Variants in DOCK1 observed in about 807,000 individuals in gnomAD.
DOCK1 encodes the protein dedicator of cytokinesis protein 1.
Under a neutral mutation model 262.7 loss-of-function variants are expected in DOCK1, and 138 were observed. The observed-to-expected ratio is 0.53, with a 90% CI of 0.46 to 0.61. The LOEUF is 0.61. Ranked by LOEUF, DOCK1 falls within the 20% of genes least tolerant of loss-of-function variation. DOCK1 has a pLI of 0.00. For missense variants in DOCK1, 1,908 were observed against 2,370.7 expected, an observed-to-expected ratio of 0.80 and a Z score of 4.05; for synonymous variants, 866 against 867.4, an observed-to-expected ratio of 1.00 and a Z score of 0.03.
rs146047584 is a variant in DOCK1, at chr10:127,127,830, G to A, written c.2847+66G>A. Reference sequence around the variant, plus strand: ...CTGACAGCATCCTTCTCCAACTGCTGTTTGAACATAGCTTATTATACTGCA... The same window carrying A: ...CTGACAGCATCCTTCTCCAACTGCTATTTGAACATAGCTTATTATACTGCA... On this transcript the variant is annotated intron_variant, in intron 27 of 51. Coordinates refer to ENST00000623213, the MANE Select transcript of DOCK1 (RefSeq NM_001290223.2). 2.0e-4 allele frequency: 274 copies of A among 1,391,156 alleles called. No individual in the cohort carries two copies. The African/African-American group carries it at 2.4e-3, about 12-fold the overall frequency. The allele number at this position is 1,391,156 out of a possible 1,614,324, so 86.2% of individuals were successfully genotyped here.
intron 27 of DOCK1, chr10:127,127,998 G>T (rs557916577): frequency 5.0e-4 from 160 of 321,374 alleles, no homozygotes; most frequent in African/African-American, 2.9e-3. Context: ...TATAGCAAAA[G>T]ACATGTATTT....
chr10:127,391,587 G>A (rs550096304), intron 38 of DOCK1, among the ~76,000 whole-genome samples: 2 of 143,202 alleles, frequency 1.4e-5, no homozygotes, highest in African/African-American at 5.3e-5. Context: ...TTGCTCCTCA[G>A]GATCTGTCTA....
chr10:127,086,736 G>A (rs540750083), intron 23 of DOCK1, among the ~76,000 whole-genome samples: 32 of 152,268 alleles, frequency 2.1e-4, no homozygotes, highest in Non-Finnish European at 4.1e-4. Flanking sequence ...TGACGAAAAT[G>A]GGTCTTGGTG....
chr10:127,215,170 A>T (rs2058151290), intron 27 of DOCK1, among the ~76,000 whole-genome samples: 1 of 152,020 alleles, frequency 6.6e-6, no homozygotes, highest in Non-Finnish European at 1.5e-5. Flanking sequence ...CACGTTCCAC[A>T]CCCAATGGAC....
intron 22 of DOCK1, among the ~76,000 whole-genome samples, chr10:127,060,393 A>G (rs2045454171): frequency 6.6e-6 from 1 of 152,196 alleles, no homozygotes; most frequent in African/African-American, 2.4e-5. Context: ...AAACAGATCC[A>G]CTAGGTTGCA....
At chr10:126,918,486 C>T (rs1243599592) in intron 1 of DOCK1, among the ~76,000 whole-genome samples, 2 of 152,226 alleles carry the variant, frequency 1.3e-5, no homozygotes, top group Non-Finnish European at 2.9e-5. Context: ...TCAGTCCCTG[C>T]ACTGTTGACA....
At chr10:127,034,435 C>A (rs2135552301) in intron 18 of DOCK1, among the ~76,000 whole-genome samples, 1 of 152,306 alleles carries the variant, frequency 6.6e-6, no homozygotes, top group Non-Finnish European at 1.5e-5. Context: ...CCCACCAGGT[C>A]CCTCCCACAA....
chr10:127,374,695 G>A (rs956233064), intron 35 of DOCK1, among the ~76,000 whole-genome samples: 1 of 152,186 alleles, frequency 6.6e-6, no homozygotes, highest in African/African-American at 2.4e-5. Context: ...TGCAAGGGGA[G>A]GGGAGAGGTA....
At chr10:127,340,909 T>C (rs1158727414) in intron 30 of DOCK1, among the ~76,000 whole-genome samples, 1 of 152,242 alleles carries the variant, frequency 6.6e-6, no homozygotes, top group Non-Finnish European at 1.5e-5. Context: ...TGATATAGGC[T>C]AGGCATGGGT....
intron 29 of DOCK1, among the ~76,000 whole-genome samples, chr10:127,267,586 A>C (rs1470151106): frequency 6.6e-6 from 1 of 152,176 alleles, no homozygotes; most frequent in Non-Finnish European, 1.5e-5. Context: ...AAGTTTGAAA[A>C]GGGCAAAGTC....
chr10:127,125,496 C>T lies in DOCK1; in HGVS notation c.2646C>T (p.Pro882=), dbSNP rs777750155. The T allele has an allele frequency of 6.2e-7, 1 of 1,613,474 alleles. No individual in the cohort carries two copies. The highest frequency in any genetic ancestry group is 2.2e-5 in the East Asian group (1 of 44,848). ...TAGACTGCAGAGAGATCCTGCTTCCCATGATGACCGATCAGCTCAAGTACC... is the reference window on the plus strand; with the variant it reads ...TAGACTGCAGAGAGATCCTGCTTCCTATGATGACCGATCAGCTCAAGTACC... The part of the protein sequence containing the change: ...TQHDCREILL[P]MMTDQLKYHL... Residue 882 remains proline (P), a synonymous_variant, in exon 26 of 52, where the codon CCC becomes CCT. Coordinates refer to ENST00000623213, the MANE Select transcript of DOCK1 (RefSeq NM_001290223.2).
chr10:126,922,234 A>G (rs916241832), intron 1 of DOCK1, among the ~76,000 whole-genome samples: 4 of 142,246 alleles, frequency 2.8e-5, no homozygotes. Flanking sequence ...AAAAAAAAAA[A>G]GGAAAGAGTT....
chr10:127,314,956 A>G (rs1000054520), intron 29 of DOCK1, among the ~76,000 whole-genome samples: 2 of 152,248 alleles, frequency 1.3e-5, no homozygotes, highest in East Asian at 1.9e-4. Flanking sequence ...AGAAACAACC[A>G]TGACTGTAAT....
At chr10:127,441,061 G>C (rs892492992) in intron 49 of DOCK1, among the ~76,000 whole-genome samples, 1 of 152,246 alleles carries the variant, frequency 6.6e-6, no homozygotes, top group Non-Finnish European at 1.5e-5. Flanking sequence ...GCCAGACACT[G>C]TGCAAGTCTT....
chr10:127,018,215 G>A (rs1375638146), intron 12 of DOCK1, among the ~76,000 whole-genome samples: 3 of 152,176 alleles, frequency 2.0e-5, no homozygotes, highest in African/African-American at 7.2e-5. Flanking sequence ...CTGCAGACTG[G>A]TGCTCCACTG....
intron 48 of DOCK1, among the ~76,000 whole-genome samples, chr10:127,433,788 A>G (rs1293943826): frequency 6.6e-6 from 1 of 151,184 alleles, no homozygotes; most frequent in Admixed American, 6.6e-5. Context: ...GCCCAACACC[A>G]ATCCATAAAC....
At chr10:126,993,039 A>G (rs1162023247) in intron 6 of DOCK1, among the ~76,000 whole-genome samples, 1 of 152,228 alleles carries the variant, frequency 6.6e-6, no homozygotes, top group African/African-American at 2.4e-5. Flanking sequence ...TGGAAGGAGC[A>G]TGGCTCTGCC....
chr10:127,380,824 C>G (rs1425195711), intron 36 of DOCK1, among the ~76,000 whole-genome samples: 1 of 152,192 alleles, frequency 6.6e-6, no homozygotes, highest in Non-Finnish European at 1.5e-5. Flanking sequence ...TTTTACTTCT[C>G]CTTTTTAAGA....
chr10:127,052,850 G>C lies in DOCK1; in HGVS notation c.2336+35G>C, dbSNP rs748212495. On this transcript the variant is annotated intron_variant, in intron 22 of 51. Transcript: ENST00000623213. Reference sequence around the variant, plus strand: ...TATCCCCTCCATGCCCGGGCTCTCAGAGGACTGGCAGGAGATCCTTCACTT... The same window carrying C: ...TATCCCCTCCATGCCCGGGCTCTCACAGGACTGGCAGGAGATCCTTCACTT... The C allele has an allele frequency of 1.6e-5, 25 of 1,584,494 alleles. 1 individual carries two copies. The South Asian group carries it at 2.8e-4, about 18-fold the overall frequency.
Sources: gnomAD v4.1 joint callset for allele counts (sites outside exome capture counted in the v4.1 genomes callset) on GRCh38, gnomAD v4.1.1 for gene constraint, MANE v1.5 for transcripts, NCBI Gene and HGNC (gene_info 2026-07-23, HGNC 2026-07-21) for gene names.